Variants in COL23A1 observed in about 807,000 individuals in gnomAD.
COL23A1 encodes the protein collagen type XXIII alpha 1 chain.
COL23A1 carries 97 observed loss-of-function variants against 99.3 expected under a neutral mutation model. The observed-to-expected ratio is 0.98, with a 90% CI of 0.83 to 1.16. The LOEUF (loss-of-function observed/expected upper bound fraction) is 1.16. Ranked by LOEUF, COL23A1 falls within the 50% of genes most tolerant of loss-of-function variation. The pLI is 0.00. For synonymous variants in COL23A1, 320 were observed against 308.2 expected (o/e 1.04, Z -0.40); for missense variants, 762 against 757.4 (o/e 1.01, Z -0.07).
intron 2 of COL23A1, among the ~76,000 whole-genome samples, chr5:178,469,196 C>A (rs75020519): frequency 6.6e-6 from 1 of 152,194 alleles, no homozygotes; most frequent in Non-Finnish European, 1.5e-5. Context: ...GTGAACAATG[C>A]TGCCCTGAAC....
At position 178,365,155 on chromosome 5, in the gene COL23A1, G is replaced by GTGTGT. The variant is rs1206068006; in HGVS notation, c.362-58241_362-58237dup. 1.3e-5 allele frequency among the ~76,000 whole-genome samples: 2 copies of GTGTGT among 151,982 alleles called. No individual in the cohort carries two copies. Among genetic ancestry groups the GTGTGT allele is most frequent in the Non-Finnish European group, 2.9e-5 (2 of 68,002 alleles). ...TGTGTGCGTGTGTGTGTGTGTGTGT[G>GTGTGT]TGTGTGTGTGTGTGTGATAAATAAG... On this transcript the variant is annotated intron_variant, in intron 2 of 28. Transcript: ENST00000390654. The surrounding 1 kb of genome is among the most constrained non-coding windows in gnomAD (Gnocchi z 5.2).
At chr5:178,581,711 T>C (rs1011840673) in intron 1 of COL23A1, among the ~76,000 whole-genome samples, 1 of 151,774 alleles carries the variant, frequency 6.6e-6, no homozygotes, top group Non-Finnish European at 1.5e-5. Context: ...CTAACAAAAA[T>C]AGGGGGAGGG....
At chr5:178,470,662 C>T (rs1270159328) in intron 2 of COL23A1, among the ~76,000 whole-genome samples, 1 of 152,232 alleles carries the variant, frequency 6.6e-6, no homozygotes, top group Non-Finnish European at 1.5e-5. Context: ...AACACCCGCT[C>T]ATACGACACA....
intron 1 of COL23A1, among the ~76,000 whole-genome samples, chr5:178,565,536 T>C (rs1308463325): frequency 6.6e-6 from 1 of 151,392 alleles, no homozygotes; most frequent in Non-Finnish European, 1.5e-5. Context: ...CGTTCTCTTT[T>C]GATACCCCAC....
At chr5:178,483,412 C>T (rs897865518) in intron 2 of COL23A1, among the ~76,000 whole-genome samples, 2 of 152,094 alleles carry the variant, frequency 1.3e-5, no homozygotes, top group Admixed American at 6.5e-5. Context: ...AAAAGACCTC[C>T]GGGAATCCAC....
intron 2 of COL23A1, among the ~76,000 whole-genome samples, chr5:178,423,075 T>C (rs1765721468): frequency 6.6e-6 from 1 of 152,174 alleles, no homozygotes; most frequent in Admixed American, 6.5e-5. Context: ...CAAGCAATTC[T>C]CTTACTTTAG....
intron 2 of COL23A1, among the ~76,000 whole-genome samples, chr5:178,385,551 G>A (rs11955873): frequency 0.033 from 4,951 of 152,304 alleles, 269 homozygotes; most frequent in African/African-American, 0.11. Flanking sequence ...GCACCGAGCC[G>A]GGGTGGCCCT....
chr5:178,324,477 A>G (rs1429696197), intron 2 of COL23A1, among the ~76,000 whole-genome samples: 3 of 152,106 alleles, frequency 2.0e-5, no homozygotes, highest in Admixed American at 1.3e-4. Flanking sequence ...GATTTCTACT[A>G]CAATGACCAC....
At chr5:178,376,858 C>T (rs982439885) in intron 2 of COL23A1, among the ~76,000 whole-genome samples, 3 of 152,198 alleles carry the variant, frequency 2.0e-5, no homozygotes, top group African/African-American at 7.2e-5. Context: ...CTTAGCAGGA[C>T]AGGAGTGAAA....
At position 178,547,520 on chromosome 5, in the gene COL23A1, C is replaced by G. The variant is rs1450885093; in HGVS notation, c.361+13162G>C. Among the ~76,000 whole-genome samples the G allele has an allele frequency of 2.2e-5, 3 of 134,688 alleles. No individual in the cohort carries two copies. In the East Asian group the frequency reaches 6.8e-4, roughly 31 times the overall value. The allele number at this position is 134,688 out of a possible 152,430, so 88.4% of individuals were successfully genotyped here. A position where few individuals can be genotyped will look rare whatever the true frequency, so the allele number is the denominator to read the frequency against. On this transcript the variant is annotated intron_variant, in intron 2 of 28. Transcript: ENST00000390654. ...ATCCCCATACACACCCCCACACCCA[C>G]ACACTCACACCCACAAACACACCCA...
Position 178,308,030 on chromosome 5 carries a change from T to C in COL23A1, c.362-1111A>G, listed in dbSNP as rs1758460139. On this transcript the variant is annotated intron_variant, in intron 2 of 28. Transcript: ENST00000390654. This position sits in a 1 kb window ranked among gnomAD's most constrained non-coding sequence, Gnocchi z 5.1. ...GTGTCTGTGTGTGTCTGTTTGCATG[T>C]GTCTGTGTGTGTCTCTATGTATGTG... is the stretch of plus-strand genomic sequence containing the variant. Among the ~76,000 whole-genome samples the C allele has an allele frequency of 6.6e-6, 1 of 152,114 alleles. No homozygotes were observed. The highest frequency in any genetic ancestry group is 6.5e-5 in the Admixed American group (1 of 15,268).
At chr5:178,245,557 TCC>T (rs1561783652) in intron 25 of COL23A1, among the ~76,000 whole-genome samples, 2 of 143,972 alleles carry the variant, frequency 1.4e-5, no homozygotes. Context: ...CATTCACCCA[TCC>T]ATCCATTCAC....
intron 2 of COL23A1, among the ~76,000 whole-genome samples, chr5:178,543,593 C>T (rs539277384): frequency 1.4e-4 from 22 of 152,234 alleles, no homozygotes; most frequent in African/African-American, 3.1e-4. Context: ...CTTCCACAGG[C>T]GGCTGCAGGG....
intron 5 of COL23A1, among the ~76,000 whole-genome samples, chr5:178,272,951 G>A (rs191316431): frequency 3.9e-5 from 6 of 152,288 alleles, no homozygotes; most frequent in East Asian, 1.9e-4. Context: ...CCCATCTTAC[G>A]GAGAAGGAAA....
chr5:178,534,378 G>A lies in COL23A1; in HGVS notation c.361+26304C>T, dbSNP rs768527983. 5.9e-5 allele frequency among the ~76,000 whole-genome samples: 9 copies of A among 152,264 alleles called. No individual in the cohort carries two copies. The South Asian group carries it at 6.2e-4, about 11-fold the overall frequency. On this transcript the variant is annotated intron_variant, in intron 2 of 28. Transcript: ENST00000390654. ...CGCCTCCCAACACCCCCGCCTTCACGGTGAGGATTTTGCTGTACGAATTCG... is the reference window on the plus strand; with the variant it reads ...CGCCTCCCAACACCCCCGCCTTCACAGTGAGGATTTTGCTGTACGAATTCG...
At chr5:178,444,637 A>C (rs1040384156) in intron 2 of COL23A1, among the ~76,000 whole-genome samples, 1 of 152,188 alleles carries the variant, frequency 6.6e-6, no homozygotes, top group African/African-American at 2.4e-5. Flanking sequence ...TCTACTAAAA[A>C]TGCAAAAAAT....
chr5:178,358,389 GTATGTGTATGTGTA>G (rs1294844833), intron 2 of COL23A1, among the ~76,000 whole-genome samples: 5 of 138,164 alleles, frequency 3.6e-5, no homozygotes, highest in African/African-American at 1.3e-4. Context: ...TCTAATGTGT[GTATGTGTATGTGTA>G]TGTGTGTATG....
intron 2 of COL23A1, among the ~76,000 whole-genome samples, chr5:178,432,636 C>A (rs1766326638): frequency 6.6e-6 from 1 of 152,236 alleles, no homozygotes; most frequent in South Asian, 2.1e-4. Flanking sequence ...CCTCAGTCAC[C>A]CTCCAACTGA....
Position 178,566,134 on chromosome 5 carries a change from T to C in COL23A1, c.295-5386A>G, listed in dbSNP as rs550701324. Among the ~76,000 whole-genome samples, 6 of 151,530 alleles carry C rather than the reference T, an allele frequency of 4.0e-5. No homozygotes were observed. In the South Asian group the frequency reaches 1.3e-3, roughly 32 times the overall value. The stretch of plus-strand genomic sequence containing the variant: ...AAGAGCAAGACTCCATCCCAAAAAA[T>C]AAATTAAAAATAACAATAAAGTTGC... On this transcript the variant is annotated intron_variant, in intron 1 of 28. Transcript: ENST00000390654.
Sources: allele counts gnomAD v4.1 joint callset (sites outside exome capture counted in the v4.1 genomes callset), GRCh38; gene constraint gnomAD v4.1.1; non-coding constraint Gnocchi (gnomAD v3.1); transcripts MANE v1.5; gene names NCBI Gene and HGNC (gene_info 2026-07-23, HGNC 2026-07-21).